PCDHA6: variants seen among roughly 807,000 people sequenced by gnomAD.
PCDHA6 encodes the protein protocadherin alpha-6.
PCDHA6 carries 55 observed loss-of-function variants against 60.3 expected under a neutral mutation model. That is an observed-to-expected ratio of 0.91 (90% CI 0.73 to 1.14). PCDHA6 has a LOEUF of 1.14. Ranked by LOEUF, PCDHA6 falls within the 50% of genes most tolerant of loss-of-function variation. The probability of loss-of-function intolerance (pLI) is 0.00; values close to 1 mark genes in which losing one functional copy is unlikely to be tolerated. For missense variants in PCDHA6, 1,327 were observed against 1,256.5 expected (o/e 1.06, Z -0.85); for synonymous variants, 652 against 557.9 (o/e 1.17, Z -2.38).
At chr5:140,831,243 T>A (rs916636850) in intron 1 of PCDHA6, 1 of 152,224 alleles carries the variant, frequency 6.6e-6, no homozygotes, top group Admixed American at 6.6e-5. Context: ...GCATTGCGGC[T>A]CTCTTATTTC....
chr5:140,969,672 A>C (rs1251717537), intron 1 of PCDHA6, among the ~76,000 whole-genome samples: 2 of 152,198 alleles, frequency 1.3e-5, no homozygotes, highest in African/African-American at 4.8e-5. Context: ...TAATGTTATG[A>C]GACTCAAGGA....
intron 1 of PCDHA6, among the ~76,000 whole-genome samples, chr5:140,912,772 A>T (rs897864498): frequency 1.3e-5 from 2 of 152,190 alleles, no homozygotes; most frequent in South Asian, 4.1e-4. Flanking sequence ...ACTTTGAGGT[A>T]TGTCCCTTCT....
chr5:140,981,969 T>C (rs1438723039), intron 2 of PCDHA6, among the ~76,000 whole-genome samples: 1 of 152,146 alleles, frequency 6.6e-6, no homozygotes, highest in African/African-American at 2.4e-5. Context: ...ATAAAAGATA[T>C]AGAAAGAGTA....
At chr5:140,843,940 T>G in intron 1 of PCDHA6, 1 of 573,966 alleles carries the variant, frequency 1.7e-6, no homozygotes, top group East Asian at 2.9e-5. Context: ...TATGGTTGGA[T>G]GATATCCATT....
At chr5:140,881,594 A>G (rs1464236535) in intron 1 of PCDHA6, among the ~76,000 whole-genome samples, 7 of 152,244 alleles carry the variant, frequency 4.6e-5, no homozygotes, top group Admixed American at 6.5e-5. Context: ...AGGGAAATTT[A>G]TTAATATGAT....
At position 140,827,965 on chromosome 5, in the gene PCDHA6, T is replaced by A; in HGVS notation, c.-127T>A. 1 of 1,335,940 alleles carries A rather than the reference T, an allele frequency of 7.5e-7. No homozygotes were observed. The highest frequency in any genetic ancestry group is 1.0e-6 in the Non-Finnish European group (1 of 976,538). 82.8% of individuals were successfully genotyped at this position (1,335,940 alleles called of 1,614,324 possible). A position where few individuals can be genotyped will look rare whatever the true frequency, so the allele number is the denominator to read the frequency against. Reference sequence around the variant, plus strand: ...CCAACATTCAAATTTCTTCTATTACTGCATCATTCCCTGACTGTTGAATGA... The same window carrying A: ...CCAACATTCAAATTTCTTCTATTACAGCATCATTCCCTGACTGTTGAATGA... On this transcript the variant is annotated 5_prime_UTR_variant, in exon 1 of 4. Coordinates refer to ENST00000529310, the MANE Select transcript of PCDHA6 (RefSeq NM_018909.4).
At chr5:140,990,821 G>T (rs890499969) in intron 3 of PCDHA6, among the ~76,000 whole-genome samples, 1 of 152,172 alleles carries the variant, frequency 6.6e-6, no homozygotes, top group East Asian at 1.9e-4. Flanking sequence ...CCTTCTCTCA[G>T]CTAAAGCCTA....
chr5:140,876,258 C>G lies in PCDHA6; in HGVS notation c.2394+45773C>G, dbSNP rs782047443. ...ATGTCCAAAACGACACAAGAGTGAT[C>G]CAACTAAATGCTTCCGATCCAGACG... On this transcript the variant is annotated intron_variant, in intron 1 of 3. Coordinates refer to ENST00000529310, the MANE Select transcript of PCDHA6 (RefSeq NM_018909.4). 4 of 1,613,968 alleles carry G rather than the reference C, an allele frequency of 2.5e-6. No homozygotes were observed. The East Asian group carries it at 8.9e-5, about 36-fold the overall frequency.
intron 1 of PCDHA6, among the ~76,000 whole-genome samples, chr5:140,923,218 TCG>T (rs1584297306): frequency 7.4e-6 from 1 of 135,282 alleles, no homozygotes; most frequent in Non-Finnish European, 1.7e-5. Flanking sequence ...GGTGAAAGGA[TCG>T]TTTGAGCCCA....
chr5:140,937,911 CAA>C (rs200797202), intron 1 of PCDHA6, among the ~76,000 whole-genome samples: 76 of 117,920 alleles, frequency 6.4e-4, no homozygotes, highest in Admixed American at 7.8e-4. Context: ...GACTCCGTCT[CAA>C]AAAAAAAAAA....
intron 1 of PCDHA6, among the ~76,000 whole-genome samples, chr5:140,838,607 T>C (rs1389543577): frequency 1.3e-5 from 2 of 152,052 alleles, no homozygotes; most frequent in Non-Finnish European, 2.9e-5. Flanking sequence ...GTCTAGACTT[T>C]TAAAAATTTT....
intron 1 of PCDHA6, chr5:140,857,675 C>T (rs1343696069): frequency 3.1e-6 from 5 of 1,596,928 alleles, no homozygotes; most frequent in Admixed American, 3.4e-5. Context: ...GGGCGTGCCG[C>T]CTCTGGGCAG....
At chr5:140,875,888 A>G (rs782107591) in intron 1 of PCDHA6, 3 of 1,614,076 alleles carry the variant, frequency 1.9e-6, no homozygotes, top group Non-Finnish European at 2.5e-6. Context: ...AGGGAACAAA[A>G]GGTACCTGTT....
chr5:140,923,489 A>C (rs549066009), intron 1 of PCDHA6, among the ~76,000 whole-genome samples: 2 of 152,182 alleles, frequency 1.3e-5, no homozygotes, highest in Non-Finnish European at 2.9e-5. Flanking sequence ...TCTTCACACC[A>C]CTGCACTCCA....
intron 1 of PCDHA6, chr5:140,884,290 A>G: frequency 6.2e-7 from 1 of 1,613,642 alleles, no homozygotes; most frequent in Non-Finnish European, 8.5e-7. Flanking sequence ...AGAGCGGCCA[A>G]GCGCCACAGG....
intron 1 of PCDHA6, chr5:140,876,094 C>A (rs782479233): frequency 3.1e-6 from 5 of 1,613,926 alleles, no homozygotes; most frequent in Non-Finnish European, 4.2e-6. Flanking sequence ...AACGCCAAAA[C>A]TCAATTTATT....
At chr5:140,881,333 G>A (rs1554171980) in intron 1 of PCDHA6, 1 of 984,778 alleles carries the variant, frequency 1.0e-6, no homozygotes, top group Admixed American at 6.1e-5. Context: ...TAACCAGGAC[G>A]CCGATTCGGG....
At chr5:140,832,877 A>T (rs1281043082) in intron 1 of PCDHA6, among the ~76,000 whole-genome samples, 1 of 152,210 alleles carries the variant, frequency 6.6e-6, no homozygotes, top group Non-Finnish European at 1.5e-5. Context: ...TACTGGTTAT[A>T]AAATGGAAAG....
At chr5:140,993,543 G>C (rs1263683239) in intron 3 of PCDHA6, among the ~76,000 whole-genome samples, 1 of 151,590 alleles carries the variant, frequency 6.6e-6, no homozygotes, top group Non-Finnish European at 1.5e-5. Context: ...GAGAGATAGA[G>C]AAGTGAAGTA....
Sources: allele counts gnomAD v4.1 joint callset (sites outside exome capture counted in the v4.1 genomes callset), GRCh38; gene constraint gnomAD v4.1.1; transcripts MANE v1.5; gene names NCBI Gene and HGNC (gene_info 2026-07-23, HGNC 2026-07-21).